The following FAM153A variants were observed in gnomAD, a reference collection of about 807,000 sequenced individuals.
FAM153A encodes protein FAM153A.
In FAM153A, 12 loss-of-function variants were observed where a neutral mutation model predicts 48.1. The observed-to-expected ratio is 0.25, with a 90% CI of 0.16 to 0.40. FAM153A has a LOEUF of 0.40. Ranked by LOEUF, FAM153A falls within the 10% of genes least tolerant of loss-of-function variation. The pLI is 1.00. For synonymous variants in FAM153A, 36 were observed against 118.2 expected (o/e 0.30, Z 4.51); for missense variants, 111 against 345.8 (o/e 0.32, Z 5.38).
chr5:177,697,121 C>T, the FAM153A span, among the ~76,000 whole-genome samples: 1 of 151,570 alleles, frequency 6.6e-6, no homozygotes, highest in Non-Finnish European at 1.5e-5. Context: ...TTTCTCTCAG[C>T]ACCAGTTTTA....
chr5:177,710,070 T>C (rs1758273167), downstream of FAM153A, among the ~76,000 whole-genome samples: 5 of 149,800 alleles, frequency 3.3e-5, no homozygotes, highest in South Asian at 1.1e-3. Context: ...TTTTTAAATA[T>C]AGTCAATAAC....
chr5:177,702,926 C>T, the FAM153A span, among the ~76,000 whole-genome samples: 1 of 152,024 alleles, frequency 6.6e-6, no homozygotes, highest in African/African-American at 2.4e-5. Context: ...AGTAGAGGTC[C>T]TCCATGAAGG....
intron 1 of FAM153A, among the ~76,000 whole-genome samples, chr5:177,761,033 G>T (rs1174299364): frequency 6.6e-6 from 1 of 151,758 alleles, no homozygotes; most frequent in African/African-American, 2.4e-5. Context: ...CTGCAGAGAA[G>T]TCTTATGAAG....
downstream of FAM153A, among the ~76,000 whole-genome samples, chr5:177,707,378 A>G (rs1400738351): frequency 1.3e-5 from 2 of 151,948 alleles, no homozygotes; most frequent in Admixed American, 6.5e-5. Flanking sequence ...CTCCAGGTAC[A>G]TGGTATATAA....
rs114914260 is a variant in FAM153A at position 177,711,424 on chromosome 5, C to T, written c.*3138G>A. On this transcript the variant is annotated 3_prime_UTR_variant and NMD_transcript_variant, in exon 27 of 27. Transcript: ENST00000360669. The stretch of plus-strand genomic sequence containing the variant: ...TCATTTTCAAATATACAAGGATAGA[C>T]CCATCTCATGAAATAATTTTGATAA... 102 of 151,996 alleles carry T rather than the reference C, an allele frequency of 6.7e-4. 3 individuals are homozygous for T. The highest frequency in any genetic ancestry group is 2.3e-3 in the African/African-American group (97 of 41,312). 9.4% of individuals were successfully genotyped at this position (151,996 alleles called of 1,614,324 possible). A position where few individuals can be genotyped will look rare whatever the true frequency, so the allele number is the denominator to read the frequency against.
chr5:177,699,884 G>A, the FAM153A span, among the ~76,000 whole-genome samples: 7 of 134,578 alleles, frequency 5.2e-5, no homozygotes, highest in African/African-American at 1.9e-4. Context: ...AGATACCAAA[G>A]CCAGAAAAAA....
the FAM153A span, among the ~76,000 whole-genome samples, chr5:177,696,295 G>T: frequency 7.0e-6 from 1 of 142,830 alleles, no homozygotes; most frequent in South Asian, 2.3e-4. Context: ...CCACTTCCCA[G>T]ACGGGGTGGC....
At chr5:177,730,304 C>A (rs1432486461) in intron 16 of FAM153A, among the ~76,000 whole-genome samples, 1 of 121,656 alleles carries the variant, frequency 8.2e-6, no homozygotes, top group Non-Finnish European at 1.9e-5. Context: ...AAAATGGGTG[C>A]CCGGCTAATT....
In FAM153A at chr5:177,714,447, CTTCCTT is replaced by C. The variant is rs1448162528; in HGVS notation, c.*1223-537_*1223-532del. ...CTGACAATTTTATAAAATAAATAGA[CTTCCTT>C]TTCTACTATTAGAATGTTCTAATAA... On this transcript the variant is annotated intron_variant and NMD_transcript_variant, in intron 25 of 26. Coordinates refer to the FAM153A transcript ENST00000360669. Among the ~76,000 whole-genome samples the C allele has an allele frequency of 2.3e-4, 34 of 149,520 alleles. 1 individual carries two copies. Among genetic ancestry groups the C allele is most frequent in the African/African-American group, 8.4e-4 (34 of 40,306 alleles).
chr5:177,708,823 A>C (rs565188803), downstream of FAM153A, among the ~76,000 whole-genome samples: 1 of 151,086 alleles, frequency 6.6e-6, no homozygotes, highest in South Asian at 2.1e-4. Flanking sequence ...GACCGGGCTC[A>C]GTGGCTCACG....
At chr5:177,697,599 T>A in the FAM153A span, among the ~76,000 whole-genome samples, 2 of 151,806 alleles carry the variant, frequency 1.3e-5, no homozygotes, top group Admixed American at 1.3e-4. Context: ...AGTCAGTGGT[T>A]GTCATTGGGC....
At chr5:177,737,453 C>T (rs1764847015) in intron 10 of FAM153A, among the ~76,000 whole-genome samples, 3 of 150,974 alleles carry the variant, frequency 2.0e-5, no homozygotes. Context: ...TTCTTGATCC[C>T]CTAGAGGTCA....
chr5:177,763,960 C>A (rs1195850666), intron 1 of FAM153A, among the ~76,000 whole-genome samples: 1 of 151,012 alleles, frequency 6.6e-6, no homozygotes. Flanking sequence ...AGCTGTGAAG[C>A]CCTGAGCTGG....
chr5:177,711,833 C>T (rs930124894), exon 27 of FAM153A: 2 of 151,884 alleles, frequency 1.3e-5, no homozygotes, highest in Non-Finnish European at 2.9e-5. Context: ...ACCCCAACGC[C>T]GCCTGCATGT....
At chr5:177,708,370 G>T (rs1758042818), downstream of FAM153A, among the ~76,000 whole-genome samples, 1 of 151,230 alleles carries the variant, frequency 6.6e-6, no homozygotes, top group Admixed American at 6.6e-5. Flanking sequence ...GAGGTTGTGA[G>T]TTTGAGACCA....
downstream of FAM153A, among the ~76,000 whole-genome samples, chr5:177,704,613 A>C (rs1458963367): frequency 6.6e-6 from 1 of 150,676 alleles, no homozygotes; most frequent in Non-Finnish European, 1.5e-5. Flanking sequence ...AGGTGATTGG[A>C]TCATGGAGGC....
At chr5:177,719,057 T>G (rs1760524064), downstream of FAM153A, among the ~76,000 whole-genome samples, 1 of 150,666 alleles carries the variant, frequency 6.6e-6, no homozygotes, top group African/African-American at 2.5e-5. Flanking sequence ...ATTTTTGTAT[T>G]TTTTTTTGTA....
At chr5:177,738,260 G>A (rs771465604) in intron 10 of FAM153A, among the ~76,000 whole-genome samples, 16 of 151,426 alleles carry the variant, frequency 1.1e-4, no homozygotes, top group East Asian at 3.9e-4. Flanking sequence ...AGTTTATGCC[G>A]TTAAATACAA....
At chr5:177,699,991 T>G in the FAM153A span, among the ~76,000 whole-genome samples, 1 of 151,864 alleles carries the variant, frequency 6.6e-6, no homozygotes. Context: ...TAGCAACATA[T>G]AAAGGGATGA....
Sources: gnomAD v4.1 joint callset for allele counts (sites outside exome capture counted in the v4.1 genomes callset) on GRCh38, gnomAD v4.1.1 for gene constraint, MANE v1.5 for transcripts, NCBI Gene and HGNC (gene_info 2026-07-23, HGNC 2026-07-21) for gene names.